Variants in PCDHA6 observed in about 807,000 individuals in gnomAD.
PCDHA6 encodes the protein protocadherin alpha-6.
PCDHA6 carries 55 observed loss-of-function variants against 60.3 expected under a neutral mutation model. That is an observed-to-expected ratio of 0.91 (90% CI 0.73 to 1.14). The LOEUF is 1.14. Among genes scored for constraint, PCDHA6 ranks in the 50% most tolerant of loss-of-function variants. The pLI is 0.00. For synonymous variants in PCDHA6, 652 were observed against 557.9 expected (o/e 1.17, Z -2.38); for missense variants, 1,327 against 1,256.5 (o/e 1.06, Z -0.85).
At chr5:140,870,441 C>T in intron 1 of PCDHA6, 2 of 1,614,224 alleles carry the variant, frequency 1.2e-6, no homozygotes, top group South Asian at 1.1e-5. Context: ...AGGTGGCCGA[C>T]GTGAACGACA....
intron 1 of PCDHA6, chr5:140,877,122 G>C: frequency 2.5e-6 from 4 of 1,613,718 alleles, no homozygotes; most frequent in Non-Finnish European, 3.4e-6. Context: ...GCAACGTGAC[G>C]CTGCAGGTGT....
chr5:140,997,820 T>C (rs2097787131), intron 3 of PCDHA6, among the ~76,000 whole-genome samples: 1 of 152,170 alleles, frequency 6.6e-6, no homozygotes. Flanking sequence ...GGTATCTATG[T>C]TTTCTAAACA....
intron 3 of PCDHA6, among the ~76,000 whole-genome samples, chr5:141,005,547 C>A (rs2098220537): frequency 6.6e-6 from 1 of 150,736 alleles, no homozygotes; most frequent in South Asian, 2.1e-4. Flanking sequence ...ACTAAAAATA[C>A]AAAAATTAGC....
intron 1 of PCDHA6, among the ~76,000 whole-genome samples, chr5:140,839,041 C>A (rs1776010412): frequency 6.6e-6 from 1 of 151,884 alleles, no homozygotes; most frequent in African/African-American, 2.4e-5. Context: ...GTTTTCTTTT[C>A]AACGTGAATA....
At position 140,835,575 on chromosome 5, in the gene PCDHA6, G is replaced by A; in HGVS notation, c.2394+5090G>A. The A allele has an allele frequency of 6.2e-7, 1 of 1,613,870 alleles. No individual in the cohort carries two copies. ...GACGCCCCGCGTTCCCTTCAAGTTG[G>A]TGTCCACCTTCAAGAATTACTATTC... On this transcript the variant is annotated intron_variant, in intron 1 of 3. Transcript: ENST00000529310.
At chr5:140,961,561 T>C (rs1554225472) in intron 1 of PCDHA6, among the ~76,000 whole-genome samples, 1 of 152,170 alleles carries the variant, frequency 6.6e-6, no homozygotes, top group African/African-American at 2.4e-5. Flanking sequence ...TTTTTTTAAA[T>C]TTTGTTTTGA....
At chr5:140,862,093 G>C (rs1554155665) in intron 1 of PCDHA6, 1 of 156,518 alleles carries the variant, frequency 6.4e-6, no homozygotes, top group African/African-American at 2.4e-5. Flanking sequence ...GCCCTTTTTC[G>C]CATAGATTCA....
At chr5:140,934,312 A>G (rs2089755727) in intron 1 of PCDHA6, among the ~76,000 whole-genome samples, 1 of 152,108 alleles carries the variant, frequency 6.6e-6, no homozygotes, top group South Asian at 2.1e-4. Context: ...CTTACTGCAA[A>G]TGTCCAATCA....
intron 1 of PCDHA6, chr5:140,882,195 T>C: frequency 1.3e-6 from 2 of 1,521,122 alleles, no homozygotes; most frequent in Non-Finnish European, 8.8e-7. Flanking sequence ...GCCATAAAAA[T>C]TGGGCCTTGA....
intron 1 of PCDHA6, among the ~76,000 whole-genome samples, chr5:140,837,556 A>G (rs1356770218): frequency 6.6e-6 from 1 of 151,974 alleles, no homozygotes; most frequent in Non-Finnish European, 1.5e-5. Flanking sequence ...GCCAAATTAT[A>G]TAAATATATT....
chr5:141,010,368 C>T lies in PCDHA6; in HGVS notation c.*431C>T, dbSNP rs368481822. ...GGTATGTGTGGCTACCGCGGGTATG[C>T]GAGTGCCAGATATTGGCTGAGACGA... On this transcript the variant is annotated 3_prime_UTR_variant, in exon 4 of 4. Coordinates refer to ENST00000529310, the MANE Select transcript of PCDHA6 (RefSeq NM_018909.4). The T allele has an allele frequency of 8.2e-6, 12 of 1,470,936 alleles. No homozygotes were observed. The East Asian group carries it at 1.7e-4, about 21-fold the overall frequency. 91.1% of individuals were successfully genotyped at this position (1,470,936 alleles called of 1,614,324 possible). A position where few individuals can be genotyped will look rare whatever the true frequency, so the allele number is the denominator to read the frequency against.
chr5:140,851,070 T>C, intron 1 of PCDHA6: 1 of 1,351,546 alleles, frequency 7.4e-7, no homozygotes. Flanking sequence ...CTAGTGAGAA[T>C]TATAAACTGT....
At chr5:140,877,067 A>C in intron 1 of PCDHA6, 4 of 1,613,082 alleles carry the variant, frequency 2.5e-6, no homozygotes, top group Non-Finnish European at 3.4e-6. Context: ...GAGCTGCTGC[A>C]GTTCCAGGTG....
intron 1 of PCDHA6, chr5:140,852,742 T>G (rs1190690172): frequency 1.0e-6 from 1 of 984,108 alleles, no homozygotes; most frequent in African/African-American, 1.8e-5. Context: ...ATGTGCCATT[T>G]AAACTTGGAC....
intron 1 of PCDHA6, among the ~76,000 whole-genome samples, chr5:140,963,621 T>C (rs1428734637): frequency 2.6e-5 from 4 of 152,334 alleles, no homozygotes; most frequent in African/African-American, 9.6e-5. Flanking sequence ...AGCTTAACTT[T>C]GTTGCATACG....
At chr5:140,869,659 G>A (rs782595471) in intron 1 of PCDHA6, 4 of 1,613,446 alleles carry the variant, frequency 2.5e-6, no homozygotes, top group Non-Finnish European at 3.4e-6. Context: ...ACCAACAAAT[G>A]GTAAGCAGAT....
At chr5:140,999,894 G>A (rs1260070986) in intron 3 of PCDHA6, among the ~76,000 whole-genome samples, 3 of 152,096 alleles carry the variant, frequency 2.0e-5, no homozygotes, top group African/African-American at 7.2e-5. Flanking sequence ...TGTAGCTTGG[G>A]ACACCAAACA....
chr5:140,837,239 ATTTATCTTCTT>A (rs1411047562), intron 1 of PCDHA6: 4 of 152,014 alleles, frequency 2.6e-5, no homozygotes, highest in Non-Finnish European at 1.5e-5. Context: ...TTTTACATCT[ATTTATCTTCTT>A]TTTATCATAT....
At chr5:140,938,805 A>G (rs367644327) in intron 1 of PCDHA6, among the ~76,000 whole-genome samples, 3 of 152,162 alleles carry the variant, frequency 2.0e-5, no homozygotes, top group East Asian at 3.9e-4. Context: ...TCGGTACCAC[A>G]AACCCCTGTG....
Sources: gnomAD v4.1 joint callset for allele counts (sites outside exome capture counted in the v4.1 genomes callset) on GRCh38, gnomAD v4.1.1 for gene constraint, MANE v1.5 for transcripts, NCBI Gene and HGNC (gene_info 2026-07-23, HGNC 2026-07-21) for gene names.